The following SLIT3 variants were observed in gnomAD, a reference collection of about 807,000 sequenced individuals.
SLIT3 encodes slit guidance ligand 3.
Under a neutral mutation model 184.0 loss-of-function variants are expected in SLIT3, and 68 were observed. The ratio of observed to expected loss-of-function variants is 0.37; its 90% CI spans 0.30 to 0.45. The LOEUF is 0.45. Among genes scored for constraint, SLIT3 ranks in the 20% least tolerant of loss-of-function variants. SLIT3 has a pLI of 1.00. For synonymous variants in SLIT3, 831 were observed against 828.6 expected (o/e 1.00, Z -0.05); for missense variants, 1,707 against 2,026.0 (o/e 0.84, Z 3.02).
intron 4 of SLIT3, among the ~76,000 whole-genome samples, chr5:169,122,753 A>G (rs2113292266): frequency 6.6e-6 from 1 of 152,328 alleles, no homozygotes; most frequent in East Asian, 1.9e-4. Flanking sequence ...CCATTGGTCA[A>G]TGTCTATGAC....
intron 8 of SLIT3, among the ~76,000 whole-genome samples, chr5:168,814,544 G>C (rs919694212): frequency 6.6e-6 from 1 of 152,126 alleles, no homozygotes; most frequent in African/African-American, 2.4e-5. Context: ...GTCAGTCCTT[G>C]AAAATAGCTC....
Position 169,271,850 on chromosome 5 carries a change from C to T in SLIT3, c.198-20391G>A, listed in dbSNP as rs964776826. On this transcript the variant is annotated intron_variant, in intron 1 of 35. Transcript: ENST00000519560. ...TTATCTACAGAGGCCTTGCCGTAGA[C>T]CCTATCATTATGGGGTAGAGCTCTG... Among the ~76,000 whole-genome samples, 6 of 152,274 alleles carry T rather than the reference C, an allele frequency of 3.9e-5. No individual in the cohort carries two copies. In the East Asian group the frequency reaches 9.7e-4, roughly 24 times the overall value.
At chr5:169,235,914 T>C (rs115527319) in intron 3 of SLIT3, among the ~76,000 whole-genome samples, 9,819 of 152,264 alleles carry the variant, frequency 0.064, 404 homozygotes, top group Middle Eastern at 0.12. Context: ...GCTAAGGTGG[T>C]GTGTGTCATA....
intron 4 of SLIT3, among the ~76,000 whole-genome samples, chr5:169,016,074 A>AG (rs1756364900): frequency 6.6e-6 from 1 of 151,830 alleles, no homozygotes; most frequent in South Asian, 2.1e-4. Context: ...CTGCCTCACA[A>AG]AGGCCAGTGA....
chr5:169,288,630 A>G (rs73805062), intron 1 of SLIT3, among the ~76,000 whole-genome samples: 7,357 of 152,188 alleles, frequency 0.048, 612 homozygotes, highest in African/African-American at 0.17. Flanking sequence ...AGAACATTTC[A>G]CTTGCTTTAT....
At chr5:168,738,704 C>G (rs142789228) in intron 20 of SLIT3, among the ~76,000 whole-genome samples, 1 of 151,868 alleles carries the variant, frequency 6.6e-6, no homozygotes, top group Non-Finnish European at 1.5e-5. Context: ...TTTGGGAGGC[C>G]GAGGCAGGTG....
intron 4 of SLIT3, among the ~76,000 whole-genome samples, chr5:169,127,495 A>G (rs1013525586): frequency 1.3e-5 from 2 of 152,240 alleles, no homozygotes; most frequent in African/African-American, 4.8e-5. Context: ...AAATCGGAGC[A>G]ACTTAGAAGA....
At chr5:168,720,300 G>GTGCCC (rs1338882000) in intron 23 of SLIT3, 2 of 152,352 alleles carry the variant, frequency 1.3e-5, no homozygotes, top group East Asian at 3.9e-4. Context: ...GGCAGTAGTA[G>GTGCCC]TGCCAGACTG....
intron 5 of SLIT3, among the ~76,000 whole-genome samples, chr5:168,858,418 T>C (rs1758979366): frequency 6.6e-6 from 1 of 152,270 alleles, no homozygotes; most frequent in African/African-American, 2.4e-5. Context: ...TATATCCCCG[T>C]TAAAGGCTAG....
rs142215582 is a variant in SLIT3, at chr5:168,696,358, C to T, written c.3016G>A (p.Glu1006Lys). Reference protein sequence around the residue: ...NPDDCEDNDCENNATCVDGIN... With the variant: ...NPDDCEDNDCKNNATCVDGIN... ...CCGTCCACGCAGGTGGCATTGTTTT[C>T]GCAGTCGTTGTCCTCACAGTCATCT... The change falls in exon 28 of 36, where the codon GAA becomes AAA. Residue 1006 changes from glutamate (E) to lysine (K), a missense_variant. Transcript: ENST00000519560. The T allele has an allele frequency of 8.3e-5, 134 of 1,614,058 alleles. No individual in the cohort carries two copies. Among genetic ancestry groups the T allele is most frequent in the Middle Eastern group, 1.6e-4 (1 of 6,084 alleles).
chr5:169,217,131 A>T (rs1189808052), intron 3 of SLIT3, among the ~76,000 whole-genome samples: 1 of 24,636 alleles, frequency 4.1e-5, no homozygotes, highest in African/African-American at 3.1e-4. Flanking sequence ...TGAGTAGGTT[A>T]AAAAAAAAAA....
chr5:168,995,688 G>A (rs1018062919), intron 4 of SLIT3: 35 of 152,304 alleles, frequency 2.3e-4, no homozygotes, highest in African/African-American at 8.4e-4. Context: ...CAGTTTCCAA[G>A]GATTGGGAAC....
At chr5:168,700,701 A>G (rs773210201) in intron 26 of SLIT3, 22 bp from the exon 27 acceptor site, 1 of 1,596,554 alleles carries the variant, frequency 6.3e-7, no homozygotes, top group Admixed American at 1.7e-5. Flanking sequence ...AAGAGGGAGA[A>G]GCACCTGGTT....
intron 5 of SLIT3, among the ~76,000 whole-genome samples, chr5:168,879,562 A>G (rs1341976647): frequency 2.0e-5 from 3 of 152,160 alleles, no homozygotes; most frequent in Non-Finnish European, 4.4e-5. Context: ...CTACAGTTCT[A>G]ATTACTCACA....
At chr5:168,782,798 C>G (rs1239519930) in intron 12 of SLIT3, among the ~76,000 whole-genome samples, 1 of 152,132 alleles carries the variant, frequency 6.6e-6, no homozygotes, top group Non-Finnish European at 1.5e-5. Flanking sequence ...GGGAAGCTGA[C>G]AGATTACCTT....
chr5:168,865,003 A>G (rs911312308), intron 5 of SLIT3, among the ~76,000 whole-genome samples: 6 of 152,218 alleles, frequency 3.9e-5, no homozygotes, highest in Non-Finnish European at 7.4e-5. Flanking sequence ...CCCCATCTCT[A>G]CTAAAAATAC....
intron 4 of SLIT3, among the ~76,000 whole-genome samples, chr5:168,946,767 C>T (rs1359038568): frequency 6.6e-6 from 1 of 152,188 alleles, no homozygotes; most frequent in Non-Finnish European, 1.5e-5. Context: ...CATTCTCACC[C>T]CTTCCCTACT....
At chr5:168,916,657 G>A (rs1761445570) in intron 4 of SLIT3, among the ~76,000 whole-genome samples, 1 of 152,200 alleles carries the variant, frequency 6.6e-6, no homozygotes, top group African/African-American at 2.4e-5. Context: ...TTGGGAGTTA[G>A]GAGAGTGGCA....
rs754778570 is a variant in SLIT3, at chr5:168,669,810, C to T, written c.4309G>A (p.Gly1437Ser). ...QGEPYCLCQP[G>S]FSGEHCQQEN... ...TGTTGGCAGTGCTCGCCGCTAAAGC[C>T]GGGCTGGCACAGGCAGTAGGGCTCC... Residue 1437 changes from glycine (G) to serine (S), a missense_variant, in exon 35 of 36, where the codon GGC (glycine) becomes AGC (serine). By Grantham distance (56) the Gly-to-Ser change is moderately conservative. Around this residue, in one of 3 missense-constraint regions of SLIT3, gnomAD observed 387 missense variants for 477.9 expected, o/e 0.81. Transcript: ENST00000519560. 26 of 1,613,770 alleles carry T rather than the reference C, an allele frequency of 1.6e-5. No individual in the cohort carries two copies. Among genetic ancestry groups the T allele is most frequent in the African/African-American group, 6.7e-5 (5 of 74,908 alleles).
Sources: allele counts gnomAD v4.1 joint callset (sites outside exome capture counted in the v4.1 genomes callset), GRCh38; gene constraint gnomAD v4.1.1; regional missense constraint gnomAD v4.1.1; transcripts MANE v1.5; gene names NCBI Gene and HGNC (gene_info 2026-07-23, HGNC 2026-07-21).